The following SPMIP7 variants were observed in gnomAD, a reference collection of about 807,000 sequenced individuals.
The protein encoded by SPMIP7 is sperm microtubule inner protein 7.
the SPMIP7 span, chr7:50,117,330 A>G: frequency 4.6e-6 from 2 of 439,282 alleles, no homozygotes; most frequent in Non-Finnish European, 9.1e-6. Flanking sequence ...CCATATTTTA[A>G]TTGTTTAAAA....
At chr7:50,131,933 C>T in the SPMIP7 span, among the ~76,000 whole-genome samples, 1 of 152,066 alleles carries the variant, frequency 6.6e-6, no homozygotes, top group Non-Finnish European at 1.5e-5. Context: ...CATATCTGCC[C>T]ACTCTTTTTT....
chr7:50,109,987 A>T, the SPMIP7 span, among the ~76,000 whole-genome samples: 2 of 152,162 alleles, frequency 1.3e-5, no homozygotes, highest in Non-Finnish European at 2.9e-5. Context: ...GAACTGATAA[A>T]TAAATAAAGT....
chr7:50,131,482 C>T, the SPMIP7 span, among the ~76,000 whole-genome samples: 7 of 152,062 alleles, frequency 4.6e-5, no homozygotes, highest in East Asian at 9.6e-4. Flanking sequence ...AGAAATCAAC[C>T]GGGGTGTCAT....
At chr7:50,126,906 A>C in the SPMIP7 span, among the ~76,000 whole-genome samples, 1 of 152,086 alleles carries the variant, frequency 6.6e-6, no homozygotes, top group Non-Finnish European at 1.5e-5. Context: ...GAATAGAAAA[A>C]ATACTAAATT....
the SPMIP7 span, chr7:50,129,753 T>C: frequency 1.3e-6 from 2 of 1,549,168 alleles, no homozygotes; most frequent in Non-Finnish European, 1.7e-6. Context: ...AAACAAGAAA[T>C]GTAATGCAAA....
chr7:50,098,845 A>T, the SPMIP7 span, among the ~76,000 whole-genome samples: 2 of 136,480 alleles, frequency 1.5e-5, no homozygotes, highest in Non-Finnish European at 3.3e-5. Context: ...ATCTGGGGGG[A>T]TACAGACATT....
the SPMIP7 span, chr7:50,134,218 G>T: frequency 6.5e-7 from 1 of 1,546,062 alleles, no homozygotes; most frequent in South Asian, 1.2e-5. Flanking sequence ...ACTCTGAAAA[G>T]ATATAAAGGG....
chr7:50,131,508 A>G, the SPMIP7 span, among the ~76,000 whole-genome samples: 6 of 152,310 alleles, frequency 3.9e-5, no homozygotes, highest in Admixed American at 1.3e-4. Flanking sequence ...GTAGAAAGGT[A>G]TGTAAAGCCA....
At chr7:50,154,301 C>T in the SPMIP7 span, among the ~76,000 whole-genome samples, 19 of 152,100 alleles carry the variant, frequency 1.2e-4, no homozygotes, top group Admixed American at 7.2e-4. Context: ...TGCACTATGA[C>T]GCCCTGTAGT....
the SPMIP7 span, among the ~76,000 whole-genome samples, chr7:50,125,195 CATATATATACACAT>C: frequency 4.3e-3 from 236 of 55,412 alleles, 8 homozygotes; most frequent in African/African-American, 0.011. Flanking sequence ...CATATATACA[CATATATATACACAT>C]ATATATACAC....
chr7:50,124,225 G>T, the SPMIP7 span, among the ~76,000 whole-genome samples: 1 of 151,970 alleles, frequency 6.6e-6, no homozygotes, highest in African/African-American at 2.4e-5. Context: ...AGTAACAAAG[G>T]TTCAAAATAC....
chr7:50,107,035 G>T, the SPMIP7 span, among the ~76,000 whole-genome samples: 2 of 152,096 alleles, frequency 1.3e-5, no homozygotes, highest in Non-Finnish European at 2.9e-5. Context: ...TCAGGAGTTT[G>T]AGACCAGTCT....
At chr7:50,159,055 G>A in the SPMIP7 span, 1 of 1,551,950 alleles carries the variant, frequency 6.4e-7, no homozygotes, top group Non-Finnish European at 8.7e-7. Flanking sequence ...GCGTCTTCCA[G>A]AAAGAAATGG....
chr7:50,124,401 T>C, the SPMIP7 span, among the ~76,000 whole-genome samples: 1 of 152,168 alleles, frequency 6.6e-6, no homozygotes, highest in Non-Finnish European at 1.5e-5. Flanking sequence ...TTGATATTTA[T>C]GGAACACTAC....
the SPMIP7 span, among the ~76,000 whole-genome samples, chr7:50,137,845 G>A: frequency 6.6e-6 from 1 of 151,956 alleles, no homozygotes; most frequent in African/African-American, 2.4e-5. Flanking sequence ...TTTTGCTGTT[G>A]GGTTTTTACT....
chr7:50,153,126 TA>T, the SPMIP7 span, among the ~76,000 whole-genome samples: 2 of 152,170 alleles, frequency 1.3e-5, no homozygotes, highest in Non-Finnish European at 2.9e-5. Flanking sequence ...AGCACACAAG[TA>T]ACTGAAGAAA....
chr7:50,140,178 A>G, the SPMIP7 span: 3 of 1,493,780 alleles, frequency 2.0e-6, no homozygotes, highest in African/African-American at 2.9e-5. Context: ...ATTCCTCTCT[A>G]TACGTAAGTA....
At chr7:50,158,917 T>G in the SPMIP7 span, 1 of 882,768 alleles carries the variant, frequency 1.1e-6, no homozygotes, top group Non-Finnish European at 1.7e-6. Context: ...CGAGTCATCC[T>G]CGCTCCCTGC....
chr7:50,097,898 C>A, the SPMIP7 span, among the ~76,000 whole-genome samples: 2 of 152,014 alleles, frequency 1.3e-5, no homozygotes, highest in African/African-American at 4.8e-5. Flanking sequence ...TAGCAGAATC[C>A]CTGAAACCTG....
Sources: allele counts gnomAD v4.1 joint callset (sites outside exome capture counted in the v4.1 genomes callset), GRCh38; gene constraint gnomAD v4.1.1; transcripts MANE v1.5; gene names NCBI Gene and HGNC (gene_info 2026-07-23, HGNC 2026-07-21).